RRM2B: variants seen among roughly 807,000 people sequenced by gnomAD.
RRM2B encodes ribonucleotide reductase regulatory TP53 inducible subunit M2B.
A neutral mutation model predicts 45.9 loss-of-function variants in RRM2B; 20 were observed. The ratio of observed to expected loss-of-function variants is 0.44; its 90% confidence interval spans 0.31 to 0.63. RRM2B has a LOEUF of 0.63. Among genes scored for constraint, RRM2B ranks in the 30% least tolerant of loss-of-function variants. The pLI, the probability that RRM2B is intolerant of heterozygous loss-of-function variation, is 0.09. For missense variants in RRM2B, 320 were observed against 414.7 expected (o/e 0.77, Z 1.98); for synonymous variants, 124 against 132.3 (o/e 0.94, Z 0.43).
chr8:102,224,723 G>A (rs1207234779), intron 4 of RRM2B, among the ~76,000 whole-genome samples, 162 bp downstream of exon 4: 12 of 151,884 alleles, frequency 7.9e-5, no homozygotes, highest in African/African-American at 2.9e-4. Flanking sequence ...TCTATAACAA[G>A]TTTTTTTTAA....
intron 2 of RRM2B, among the ~76,000 whole-genome samples, chr8:102,231,383 A>G (rs111974200): frequency 2.0e-5 from 3 of 152,352 alleles, no homozygotes; most frequent in African/African-American, 7.2e-5. Context: ...GAGTGAGTCC[A>G]CAGCCTAGAG....
At chr8:102,214,016 AAG>A (rs1267344036) in intron 7 of RRM2B, 36 bp downstream of exon 7, 12 of 1,314,352 alleles carry the variant, frequency 9.1e-6, no homozygotes, top group African/African-American at 1.5e-5. Flanking sequence ...ACATCAGAGA[AAG>A]AGAGATGTGC....
chr8:102,230,454 T>TA (rs1044652354), intron 2 of RRM2B, among the ~76,000 whole-genome samples: 48 of 152,328 alleles, frequency 3.2e-4, no homozygotes, highest in Middle Eastern at 3.4e-3. Context: ...AGTACCTTTT[T>TA]AACATAATGA....
chr8:102,230,286 A>C (rs369722663), intron 2 of RRM2B, among the ~76,000 whole-genome samples: 3 of 152,356 alleles, frequency 2.0e-5, no homozygotes, highest in African/African-American at 7.2e-5. Flanking sequence ...TCTTCAAAAT[A>C]TGTATTTGAA....
In RRM2B at chr8:102,226,037, G is replaced by A. The variant is rs572671956; in HGVS notation, c.205-3C>T. 188 of 1,571,452 alleles carry A rather than the reference G, an allele frequency of 1.2e-4. No individual in the cohort carries two copies. The highest frequency in any genetic ancestry group is 1.6e-4 in the Non-Finnish European group (180 of 1,141,688). ...GGGAGATCCTTTGATAAGTCGACCT[G>A]GAATAAAAAGATTTTCAAAAATTTT... is the stretch of plus-strand genomic sequence containing the variant. On this transcript the variant is annotated splice_region_variant and splice_polypyrimidine_tract_variant and intron_variant, in intron 2 of 8. Coordinates refer to ENST00000251810, the MANE Select transcript of RRM2B (RefSeq NM_015713.5).
chr8:102,218,954 G>T lies in RRM2B; in HGVS notation c.551-7C>A. Reference sequence around the variant, plus strand: ...AAGGCCACCACTCTTTCCCCTGGGAGACATAAAATCGTTTCAATTTTTGAA... The same window carrying T: ...AAGGCCACCACTCTTTCCCCTGGGATACATAAAATCGTTTCAATTTTTGAA... On this transcript the variant is annotated splice_region_variant and splice_polypyrimidine_tract_variant and intron_variant, in intron 5 of 8. Coordinates refer to ENST00000251810, the MANE Select transcript of RRM2B (RefSeq NM_015713.5). The T allele has an allele frequency of 6.2e-7, 1 of 1,612,716 alleles. No homozygotes were observed.
intron 6 of RRM2B, among the ~76,000 whole-genome samples, chr8:102,215,585 A>T (rs1810715828): frequency 6.6e-6 from 1 of 152,134 alleles, no homozygotes; most frequent in South Asian, 2.1e-4. Context: ...AAAGAAAAGT[A>T]CACTTCAAAG....
At chr8:102,216,527 C>T (rs1395181400) in intron 6 of RRM2B, among the ~76,000 whole-genome samples, 1 of 151,924 alleles carries the variant, frequency 6.6e-6, no homozygotes, top group Non-Finnish European at 1.5e-5. Context: ...TAAAGGTGTA[C>T]TTGTTGAAAG....
At chr8:102,217,842 G>T in intron 6 of RRM2B, among the ~76,000 whole-genome samples, 1 of 149,732 alleles carries the variant, frequency 6.7e-6, no homozygotes, top group Admixed American at 6.8e-5. Context: ...AAAAAAAAAG[G>T]GGTGGTAAGA....
intron 2 of RRM2B, among the ~76,000 whole-genome samples, chr8:102,228,645 A>G (rs1448820677): frequency 6.6e-6 from 1 of 152,238 alleles, no homozygotes; most frequent in Non-Finnish European, 1.5e-5. Flanking sequence ...AGATGCTGCC[A>G]TGAGGCCTGC....
intron 2 of RRM2B, among the ~76,000 whole-genome samples, chr8:102,230,280 C>T (rs141780828): frequency 0.023 from 3,456 of 152,274 alleles, 52 homozygotes; most frequent in Middle Eastern, 0.041. Context: ...GATTTATCTT[C>T]AAAATATGTA....
chr8:102,229,999 A>G (rs1378168085), intron 2 of RRM2B, among the ~76,000 whole-genome samples: 1 of 152,192 alleles, frequency 6.6e-6, no homozygotes, highest in African/African-American at 2.4e-5. Context: ...TTTTATTTAC[A>G]CTACATTGGA....
At chr8:102,218,666 C>T (rs1257102913) in intron 6 of RRM2B, 148 bp downstream of exon 6, 1 of 661,604 alleles carries the variant, frequency 1.5e-6, no homozygotes, top group Non-Finnish European at 2.6e-6. Context: ...GTCGAGGCTG[C>T]AGCAAGCCAT....
chr8:102,209,941 C>T (rs1038058768), intron 8 of RRM2B, among the ~76,000 whole-genome samples: 10 of 152,166 alleles, frequency 6.6e-5, no homozygotes, highest in Middle Eastern at 3.4e-3. Context: ...AATCTACAGA[C>T]GCAGAATAGG....
intron 5 of RRM2B, 136 bp downstream of exon 5, chr8:102,223,910 T>C: frequency 1.4e-6 from 1 of 738,348 alleles, no homozygotes; most frequent in Non-Finnish European, 2.5e-6. Flanking sequence ...ATAATGATTT[T>C]GGTAAAGGTG....
rs1810538148 is a variant in RRM2B, at chr8:102,205,988, A to T, written c.*2145T>A. ...TGAAAAAGATTTGGATTCAAAACAA[A>T]GGAATATACACTGTACAATTTTTTT... On this transcript the variant is annotated 3_prime_UTR_variant, in exon 9 of 9. Transcript: ENST00000251810. 1 of 152,096 alleles carries T rather than the reference A, an allele frequency of 6.6e-6. No homozygotes were observed. The highest frequency in any genetic ancestry group is 1.5e-5 in the Non-Finnish European group (1 of 67,960). The allele number at this position is 152,096 out of a possible 1,614,324, so 9.4% of individuals were successfully genotyped here. A position where few individuals can be genotyped will look rare whatever the true frequency, so the allele number is the denominator to read the frequency against.
chr8:102,229,660 C>T (rs1810994188), intron 2 of RRM2B, among the ~76,000 whole-genome samples: 1 of 152,120 alleles, frequency 6.6e-6, no homozygotes, highest in African/African-American at 2.4e-5. Flanking sequence ...TCTGGGCTCA[C>T]TGCAGCCTCT....
At chr8:102,212,619 G>A (rs1307790292) in intron 8 of RRM2B, among the ~76,000 whole-genome samples, 157 bp downstream of exon 8, 1 of 152,000 alleles carries the variant, frequency 6.6e-6, no homozygotes, top group Non-Finnish European at 1.5e-5. Context: ...AAATTTCAAA[G>A]GATTTTGCAA....
chr8:102,231,995 T>C (rs185805425), intron 2 of RRM2B, among the ~76,000 whole-genome samples, 154 bp downstream of exon 2: 25 of 152,314 alleles, frequency 1.6e-4, no homozygotes, highest in African/African-American at 6.0e-4. Context: ...AACTAAAACA[T>C]TGAGAACATC....
Sources: allele counts gnomAD v4.1 joint callset (sites outside exome capture counted in the v4.1 genomes callset), GRCh38; gene constraint gnomAD v4.1.1; transcripts MANE v1.5; gene names NCBI Gene and HGNC (gene_info 2026-07-23, HGNC 2026-07-21).